XIST: variants seen among roughly 807,000 people sequenced by gnomAD.
XIST encodes X inactive specific transcript, also known as X inactive specific transcript (non-protein coding).
chrX:73,850,278 C>T (rs2147708611), exon 1 of XIST: 1 of 545,105 alleles, frequency 1.8e-6, no homozygotes, highest in African/African-American at 2.3e-5. Context: ...TATCTACTGC[C>T]AAAAAAAGGT....
exon 1 of XIST, chrX:73,850,686 G>C: frequency 3.5e-6 from 1 of 285,801 alleles, no homozygotes; most frequent in Non-Finnish European, 6.2e-6. Context: ...GACCAGAGGG[G>C]GGTAGGGGGG....
At chrX:73,835,134 G>A (rs997714144) in intron 2 of XIST, among the ~76,000 whole-genome samples, 3 of 111,546 alleles carry the variant, frequency 2.7e-5, no homozygotes, top group African/African-American at 9.8e-5. Context: ...CAATTCAAAG[G>A]TCTTTTAACT....
chrX:73,845,752 T>G (rs762500551), exon 1 of XIST: 1 of 551,416 alleles, frequency 1.8e-6, no homozygotes, highest in South Asian at 2.2e-5. Context: ...GCACCTTGAT[T>G]GTCCAAATGT....
chrX:73,825,968 G>T (rs1413989015), exon 6 of XIST: 1 of 557,419 alleles, frequency 1.8e-6, no homozygotes, highest in Non-Finnish European at 3.2e-6. Context: ...AAACCCAGGA[G>T]TAGCGTTGGC....
At chrX:73,846,151 C>A (rs375764323) in exon 1 of XIST, 6 of 552,075 alleles carry the variant, frequency 1.1e-5, no homozygotes, top group Non-Finnish European at 2.0e-5. Flanking sequence ...ACACAGGAAC[C>A]GGGACAAACA....
intron 4 of XIST, chrX:73,829,267 A>G: frequency 1.9e-6 from 1 of 539,945 alleles, no homozygotes; most frequent in Non-Finnish European, 3.3e-6. Flanking sequence ...TGTAAATGCC[A>G]TAAATATTGA....
intron 4 of XIST, among the ~76,000 whole-genome samples, chrX:73,830,558 G>T (rs963740611): frequency 1.8e-5 from 2 of 111,775 alleles, no homozygotes; most frequent in Admixed American, 1.9e-4. Context: ...GCCATTTTTA[G>T]TCAGGTTTCC....
At chrX:73,850,158 A>G (rs777343270) in exon 1 of XIST, 1 of 557,892 alleles carries the variant, frequency 1.8e-6, no homozygotes, top group Admixed American at 2.2e-5. Context: ...CATGAAGTTA[A>G]ATTTTTTACT....
chrX:73,824,727 G>A (rs188756044), exon 6 of XIST: 7 of 556,611 alleles, frequency 1.3e-5, no homozygotes, highest in Admixed American at 2.2e-5. Context: ...AGTGACTTTC[G>A]GTCTGGATCT....
At chrX:73,847,297 A>G (rs1165009376) in exon 1 of XIST, 1 of 547,413 alleles carries the variant, frequency 1.8e-6, no homozygotes, top group South Asian at 2.3e-5. Context: ...ACTACTGCTA[A>G]TTATGCGCAT....
exon 6 of XIST, chrX:73,822,124 G>A (rs1448443600): frequency 3.6e-6 from 2 of 557,303 alleles, no homozygotes; most frequent in African/African-American, 2.2e-5. Flanking sequence ...GGTTCCCCAA[G>A]GCTGGTACCA....
chrX:73,848,768 C>G, exon 1 of XIST: 1 of 558,371 alleles, frequency 1.8e-6, no homozygotes, highest in South Asian at 2.2e-5. Flanking sequence ...GAGAAGGAAA[C>G]TTGGGTAGTC....
intron 2 of XIST, among the ~76,000 whole-genome samples, chrX:73,836,398 C>T (rs1479456626): frequency 9.0e-6 from 1 of 111,389 alleles, no homozygotes; most frequent in Non-Finnish European, 1.9e-5. Flanking sequence ...AAATGTCAAA[C>T]ACTCACTACC....
chrX:73,826,999 G>A (rs756978056), exon 6 of XIST: 1 of 558,546 alleles, frequency 1.8e-6, no homozygotes, highest in South Asian at 2.2e-5. Context: ...GGCTTTTGTT[G>A]GTTTCAGGCC....
At chrX:73,829,203 A>G (rs1403323633) in exon 5 of XIST, 1 of 558,040 alleles carries the variant, frequency 1.8e-6, no homozygotes, top group South Asian at 2.2e-5. Flanking sequence ...AGGAAGTATA[A>G]TGATTTGGCA....
exon 6 of XIST, chrX:73,827,673 T>A: frequency 1.8e-6 from 1 of 547,481 alleles, no homozygotes; most frequent in Non-Finnish European, 3.3e-6. Flanking sequence ...AAAAGAGAGG[T>A]AGGCAGAGAA....
rs1922260702 is a variant in XIST, at chrX:73,826,666, G to A, written n.13235C>T. 5.4e-6 allele frequency: 3 copies of A among 559,174 alleles called. No individual in the cohort carries two copies. In the East Asian group the frequency reaches 9.7e-5, roughly 18 times the overall value. The allele number at this position is 559,174 out of a possible 1,213,427, so 46.1% of individuals were successfully genotyped here. ...GGTTCTCATCTTGGGATTTCCCCAG[G>A]TCTTCAAGCTTCTATCCTTCCTGGG... On this transcript the variant is annotated non_coding_transcript_exon_variant, in exon 6 of 6. Transcript: ENST00000429829.
exon 5 of XIST, chrX:73,829,203 A>C: frequency 1.8e-6 from 1 of 558,040 alleles, no homozygotes; most frequent in South Asian, 2.2e-5. Context: ...AGGAAGTATA[A>C]TGATTTGGCA....
At chrX:73,837,579 A>G in intron 1 of XIST, 1 of 485,130 alleles carries the variant, frequency 2.1e-6, no homozygotes, top group East Asian at 3.7e-5. Flanking sequence ...ATAATAATGT[A>G]TCAATATTGG....
Sources: gnomAD v4.1 joint callset for allele counts (sites outside exome capture counted in the v4.1 genomes callset) on GRCh38, gnomAD v4.1.1 for gene constraint, MANE v1.5 for transcripts, NCBI Gene and HGNC (gene_info 2026-07-23, HGNC 2026-07-21) for gene names.